Variants in SOX5 observed in about 807,000 individuals in gnomAD.
SOX5 encodes transcription factor SOX-5.
SOX5 carries 9 observed loss-of-function variants against 92.0 expected under a neutral mutation model. That is an observed-to-expected ratio of 0.10 (90% CI 0.06 to 0.17). The LOEUF is 0.17. Ranked by LOEUF, SOX5 falls within the 10% of genes least tolerant of loss-of-function variation. SOX5 has a pLI of 1.00. For missense variants in SOX5, 642 were observed against 944.5 expected, an observed-to-expected ratio of 0.68 and a Z score of 4.20; for synonymous variants, 344 against 336.3, an observed-to-expected ratio of 1.02 and a Z score of -0.25.
At chr12:24,077,416 A>G (rs1942764679) in intron 4 of SOX5, among the ~76,000 whole-genome samples, 1 of 152,032 alleles carries the variant, frequency 6.6e-6, no homozygotes, top group Non-Finnish European at 1.5e-5. Flanking sequence ...AATACATTAT[A>G]TTGGGTTTTT....
intron 4 of SOX5, among the ~76,000 whole-genome samples, chr12:24,165,041 C>G (rs1372792306): frequency 6.6e-6 from 1 of 151,996 alleles, no homozygotes; most frequent in Non-Finnish European, 1.5e-5. Flanking sequence ...CTTGCAAACA[C>G]CTTTTCCTTG....
chr12:24,043,974 A>G (rs1956766957), intron 4 of SOX5, among the ~76,000 whole-genome samples: 2 of 152,212 alleles, frequency 1.3e-5, no homozygotes, highest in African/African-American at 4.8e-5. Flanking sequence ...TAAGGATTAT[A>G]TTGAATAAGT....
chr12:24,209,081 GTT>G (rs893754065), intron 4 of SOX5, among the ~76,000 whole-genome samples: 3 of 152,176 alleles, frequency 2.0e-5, no homozygotes, highest in Admixed American at 1.3e-4. Flanking sequence ...TTTAAAAAAA[GTT>G]TTTATTTGTT....
chr12:23,635,558 G>C (rs1315809834), intron 8 of SOX5, among the ~76,000 whole-genome samples: 1 of 151,976 alleles, frequency 6.6e-6, no homozygotes, highest in Non-Finnish European at 1.5e-5. Context: ...AGCATTAGGA[G>C]ATATACCTAA....
At chr12:24,530,066 A>C (rs1008394923) in intron 1 of SOX5, among the ~76,000 whole-genome samples, 6 of 151,974 alleles carry the variant, frequency 3.9e-5, no homozygotes, top group African/African-American at 1.4e-4. Context: ...ACTTTATCAA[A>C]AGGTACCCAA....
In SOX5 at chr12:24,137,699, G is replaced by A. The variant is rs142916504; in HGVS notation, c.-2+75644C>T. Among the ~76,000 whole-genome samples the A allele has an allele frequency of 1.0e-2, 1,517 of 152,208 alleles. 28 individuals carry two copies. Among genetic ancestry groups the A allele is most frequent in the African/African-American group, 0.034 (1,424 of 41,526 alleles). ...TTGTAAGTCTTCAAACTTCATTCTA[G>A]GCCTTTATAACATTAGCCTTGACAA... On this transcript the variant is annotated intron_variant, in intron 4 of 4. Coordinates refer to the SOX5 transcript ENST00000446891.
At position 23,977,121 on chromosome 12, in the gene SOX5, G is replaced by A. The variant is rs74068654; in HGVS notation, c.-1-81097C>T. On this transcript the variant is annotated intron_variant, in intron 4 of 4. Coordinates refer to the SOX5 transcript ENST00000446891. ...GGATAGAAACTAGAGACAATAATAA[G>A]ACTGCATTAAGAGCTATCATCTATA... Among the ~76,000 whole-genome samples, 1,146 of 152,168 alleles carry A rather than the reference G, an allele frequency of 7.5e-3. 18 individuals are homozygous for A. Among genetic ancestry groups the A allele is most frequent in the African/African-American group, 0.025 (1,049 of 41,534 alleles).
At chr12:23,551,439 C>T (rs188402867) in intron 11 of SOX5, among the ~76,000 whole-genome samples, 42 of 151,682 alleles carry the variant, frequency 2.8e-4, no homozygotes, top group African/African-American at 8.9e-4. Flanking sequence ...AATATAACAC[C>T]GAAAATGGGA....
At chr12:24,144,462 T>TAAG (rs554343458) in intron 4 of SOX5, among the ~76,000 whole-genome samples, 3 of 152,178 alleles carry the variant, frequency 2.0e-5, no homozygotes, top group Non-Finnish European at 4.4e-5. Flanking sequence ...AATAAAAAAT[T>TAAG]ATGTAGCGCT....
chr12:23,531,785 A>G lies in SOX5; in HGVS notation c.*2434T>C, dbSNP rs2135809171. On this transcript the variant is annotated 3_prime_UTR_variant, in exon 15 of 15. Transcript: ENST00000451604. Reference sequence around the variant, plus strand: ...CATAAGTTAATTAAGATTGAACACGACCCTCCTATTAATTCACTCCTTTGT... The same window carrying G: ...CATAAGTTAATTAAGATTGAACACGGCCCTCCTATTAATTCACTCCTTTGT... 1 of 151,974 alleles carries G rather than the reference A, an allele frequency of 6.6e-6. No homozygotes were observed. Among genetic ancestry groups the G allele is most frequent in the African/African-American group, 2.4e-5 (1 of 41,452 alleles). The allele number at this position is 151,974 out of a possible 1,614,324, so 9.4% of individuals were successfully genotyped here.
intron 3 of SOX5, among the ~76,000 whole-genome samples, chr12:23,761,830 C>T (rs984836377): frequency 1.3e-5 from 2 of 152,076 alleles, no homozygotes; most frequent in African/African-American, 4.8e-5. Context: ...AAATTAGGTA[C>T]TGTTAACTTG....
intron 4 of SOX5, among the ~76,000 whole-genome samples, chr12:24,082,308 T>C (rs1338286883): frequency 1.4e-5 from 2 of 147,670 alleles, no homozygotes; most frequent in Non-Finnish European, 3.0e-5. Flanking sequence ...CCACAAGCAC[T>C]ATTTAGTTTT....
rs538191175 is a variant in SOX5, at chr12:24,163,586, G to A, written c.-2+49757C>T. Among the ~76,000 whole-genome samples the A allele has an allele frequency of 1.3e-5, 2 of 151,090 alleles. 1 individual carries two copies. Among genetic ancestry groups the A allele is most frequent in the Non-Finnish European group, 3.0e-5 (2 of 67,794 alleles). ...GATTCATGCCGCATTATCTGGCTTG[G>A]GTCATAAGCTCCTAGAATACGAGGA... On this transcript the variant is annotated intron_variant, in intron 4 of 4. Transcript: ENST00000446891.
chr12:24,278,721 A>G (rs1305530174), intron 2 of SOX5, among the ~76,000 whole-genome samples: 1 of 152,118 alleles, frequency 6.6e-6, no homozygotes, highest in Non-Finnish European at 1.5e-5. Flanking sequence ...AAAAAAGCAA[A>G]CAAACAAAAG....
chr12:24,407,089 A>T (rs1339902691), intron 1 of SOX5, among the ~76,000 whole-genome samples: 2 of 152,142 alleles, frequency 1.3e-5, no homozygotes, highest in African/African-American at 4.8e-5. Context: ...AATGCAAAAA[A>T]CAAAAAAAAA....
At chr12:24,183,717 T>C (rs768401896) in intron 4 of SOX5, among the ~76,000 whole-genome samples, 10 of 152,170 alleles carry the variant, frequency 6.6e-5, no homozygotes, top group Admixed American at 5.2e-4. Context: ...TGTTTTCCTA[T>C]AGCACATACA....
At chr12:23,756,614 G>C (rs763774613) in intron 3 of SOX5, among the ~76,000 whole-genome samples, 2 of 151,862 alleles carry the variant, frequency 1.3e-5, no homozygotes, top group East Asian at 1.9e-4. Context: ...CGTGATTAGC[G>C]CAGCATTCAC....
chr12:24,359,878 C>G (rs981121688), intron 2 of SOX5, among the ~76,000 whole-genome samples: 1 of 152,054 alleles, frequency 6.6e-6, no homozygotes, highest in Non-Finnish European at 1.5e-5. Flanking sequence ...TTCCCCAATT[C>G]TGGATTTAAA....
At chr12:24,558,344 C>G (rs1954010599) in intron 1 of SOX5, among the ~76,000 whole-genome samples, 1 of 152,130 alleles carries the variant, frequency 6.6e-6, no homozygotes, top group African/African-American at 2.4e-5. Context: ...GATAAAGGAG[C>G]AGGGCTTTGG....
Sources: gnomAD v4.1 joint callset for allele counts (sites outside exome capture counted in the v4.1 genomes callset) on GRCh38, gnomAD v4.1.1 for gene constraint, MANE v1.5 for transcripts, NCBI Gene and HGNC (gene_info 2026-07-23, HGNC 2026-07-21) for gene names.